AOAH: variants seen among roughly 807,000 people sequenced by gnomAD.
AOAH encodes the protein acyloxyacyl hydrolase (neutrophil).
A neutral mutation model predicts 92.2 loss-of-function variants in AOAH; 64 were observed. The observed-to-expected ratio is 0.69, with a 90% CI of 0.57 to 0.86. The LOEUF (loss-of-function observed/expected upper bound fraction) is 0.86. Among genes scored for constraint, AOAH ranks in the 40% least tolerant of loss-of-function variants. The pLI is 0.00. For missense variants in AOAH, 656 were observed against 694.6 expected (o/e 0.94, Z 0.62); for synonymous variants, 263 against 254.5 (o/e 1.03, Z -0.32).
At chr7:36,601,414 C>CTT (rs1790586239) in intron 11 of AOAH, among the ~76,000 whole-genome samples, 3 of 124,958 alleles carry the variant, frequency 2.4e-5, no homozygotes, top group Non-Finnish European at 3.8e-5. Context: ...AGGCACCAGA[C>CTT]TGTGCTGGGC....
chr7:36,542,395 A>AT (rs1429935745), intron 15 of AOAH, among the ~76,000 whole-genome samples: 16 of 152,204 alleles, frequency 1.1e-4, no homozygotes, highest in African/African-American at 3.6e-4. Flanking sequence ...GTACTTTGTT[A>AT]TGGCAGCTCC....
rs886492220 is a variant in AOAH at position 36,618,660 on chromosome 7, A to G, written c.703-315T>C. On this transcript the variant is annotated intron_variant, in intron 9 of 20. Coordinates refer to ENST00000617537, the MANE Select transcript of AOAH (RefSeq NM_001637.4). ...CATGGAGGGTCCACTGAGTGACTGG[A>G]CACAGGGTCTGGGCGGATTCTGCAG... 3.9e-5 allele frequency among the ~76,000 whole-genome samples: 6 copies of G among 152,162 alleles called. No homozygotes were observed. The South Asian group carries it at 6.2e-4, about 16-fold the overall frequency.
chr7:36,686,689 C>T lies in AOAH; in HGVS notation c.223+10G>A. 1 of 1,505,960 alleles carries T rather than the reference C, an allele frequency of 6.6e-7. No individual in the cohort carries two copies. Among genetic ancestry groups the T allele is most frequent in the East Asian group, 2.5e-5 (1 of 39,446 alleles). 93.3% of individuals were successfully genotyped at this position (1,505,960 alleles called of 1,614,324 possible). On this transcript the variant is annotated intron_variant, in intron 2 of 20. Transcript: ENST00000617537. The stretch of plus-strand genomic sequence containing the variant: ...CAGACCCTCAGCAGTATGACTCGTC[C>T]CATATTTACCAGGCAGGTAGCTGCA...
chr7:36,523,574 A>T (rs1055954021), intron 19 of AOAH, among the ~76,000 whole-genome samples: 23 of 147,424 alleles, frequency 1.6e-4, no homozygotes, highest in Admixed American at 6.8e-5. Context: ...GTAAAGGCAC[A>T]GTTTTGGGGA....
At position 36,523,632 on chromosome 7, in the gene AOAH, T is replaced by TTG. The variant is rs1198133807; in HGVS notation, c.1523-1518_1523-1517insCA. 2.2e-3 allele frequency among the ~76,000 whole-genome samples: 311 copies of TTG among 138,570 alleles called. 3 individuals are homozygous for TTG. Among genetic ancestry groups the TTG allele is most frequent in the Admixed American group, 4.3e-3 (59 of 13,810 alleles). 90.9% of individuals were successfully genotyped at this position (138,570 alleles called of 152,430 possible). A position where few individuals can be genotyped will look rare whatever the true frequency, so the allele number is the denominator to read the frequency against. On this transcript the variant is annotated intron_variant, in intron 19 of 20. Transcript: ENST00000617537. ...GTTTGCCTGGCCTGTTTTGCCTGTT[T>TTG]TTTTTTTTTTTTTTTTTGGCATGTC...
chr7:36,723,929 G>T, intron 1 of AOAH, 93 bp downstream of exon 1: 2 of 1,397,078 alleles, frequency 1.4e-6, no homozygotes, highest in Non-Finnish European at 1.9e-6. Context: ...TACAATTCTT[G>T]ATTTAATAAA....
At chr7:36,659,895 A>C (rs1795111747) in intron 3 of AOAH, among the ~76,000 whole-genome samples, 1 of 152,014 alleles carries the variant, frequency 6.6e-6, no homozygotes, top group South Asian at 2.1e-4. Flanking sequence ...GCAGCCAAAG[A>C]AAAACTACAA....
At chr7:36,681,380 T>A (rs563675659) in intron 2 of AOAH, among the ~76,000 whole-genome samples, 2 of 152,164 alleles carry the variant, frequency 1.3e-5, no homozygotes, top group African/African-American at 2.4e-5. Context: ...CCTTAACATG[T>A]ATAGATCTTA....
chr7:36,537,002 C>T (rs1209177677), intron 16 of AOAH, among the ~76,000 whole-genome samples: 2 of 151,502 alleles, frequency 1.3e-5, no homozygotes, highest in East Asian at 1.9e-4. Flanking sequence ...AATGCAGCCC[C>T]CTCTTGAAGT....
At chr7:36,613,884 A>G (rs1791663381) in intron 11 of AOAH, among the ~76,000 whole-genome samples, 1 of 152,150 alleles carries the variant, frequency 6.6e-6, no homozygotes, top group Non-Finnish European at 1.5e-5. Flanking sequence ...TGTATTCTTG[A>G]GCAGTTTTCA....
chr7:36,708,200 T>G (rs1251791500), intron 1 of AOAH, among the ~76,000 whole-genome samples: 3 of 152,160 alleles, frequency 2.0e-5, no homozygotes, highest in Non-Finnish European at 4.4e-5. Flanking sequence ...GATAGTATAC[T>G]ACATGTTTCT....
At chr7:36,604,784 T>A (rs1297358463) in intron 11 of AOAH, among the ~76,000 whole-genome samples, 1 of 152,174 alleles carries the variant, frequency 6.6e-6, no homozygotes, top group Non-Finnish European at 1.5e-5. Flanking sequence ...CCATCTTAAG[T>A]CACCAAATTT....
At chr7:36,550,058 T>C (rs544266989) in intron 13 of AOAH, 3 of 152,528 alleles carry the variant, frequency 2.0e-5, no homozygotes, top group African/African-American at 7.2e-5. Flanking sequence ...AACATATCTC[T>C]TATATGAAAA....
At chr7:36,715,633 A>C (rs1184401706) in intron 1 of AOAH, among the ~76,000 whole-genome samples, 1 of 148,528 alleles carries the variant, frequency 6.7e-6, no homozygotes, top group Non-Finnish European at 1.5e-5. Flanking sequence ...AGAGATATAG[A>C]CCAACGGAAC....
intron 3 of AOAH, among the ~76,000 whole-genome samples, chr7:36,664,694 T>C (rs1365787218): frequency 6.6e-6 from 1 of 152,126 alleles, no homozygotes; most frequent in Admixed American, 6.5e-5. Flanking sequence ...AATCTACATG[T>C]GTTAGGCTGT....
chr7:36,527,195 T>A (rs1233040196), intron 19 of AOAH, among the ~76,000 whole-genome samples: 1 of 152,200 alleles, frequency 6.6e-6, no homozygotes, highest in Non-Finnish European at 1.5e-5. Flanking sequence ...CTTTCAGTGC[T>A]GGACTGAGGC....
In AOAH at chr7:36,637,774, T is replaced by G. The variant is rs894004883; in HGVS notation, c.450+77A>C. ...CTTATATCCGGAGTAGTCCTTGCCTTTGGGATGTGAAAGCCGGGGCCAGTG... is the reference window on the plus strand; with the variant it reads ...CTTATATCCGGAGTAGTCCTTGCCTGTGGGATGTGAAAGCCGGGGCCAGTG... On this transcript the variant is annotated intron_variant, in intron 5 of 20. Transcript: ENST00000617537. 2.9e-6 allele frequency: 4 copies of G among 1,356,546 alleles called. No individual in the cohort carries two copies. The African/African-American group carries it at 4.3e-5, about 15-fold the overall frequency. The allele number at this position is 1,356,546 out of a possible 1,614,324, so 84.0% of individuals were successfully genotyped here. A position where few individuals can be genotyped will look rare whatever the true frequency, so the allele number is the denominator to read the frequency against.
At chr7:36,668,689 G>A (rs1426286084) in intron 3 of AOAH, among the ~76,000 whole-genome samples, 4 of 152,178 alleles carry the variant, frequency 2.6e-5, no homozygotes, top group Admixed American at 6.5e-5. Flanking sequence ...GTTTCACTAT[G>A]TTGGCCAAAG....
intron 2 of AOAH, among the ~76,000 whole-genome samples, chr7:36,676,157 G>A (rs996803852): frequency 3.9e-5 from 6 of 152,204 alleles, no homozygotes; most frequent in Non-Finnish European, 2.9e-5. Context: ...ATTCAGATTG[G>A]AAAGTAAAGA....
Sources: gnomAD v4.1 joint callset for allele counts (sites outside exome capture counted in the v4.1 genomes callset) on GRCh38, gnomAD v4.1.1 for gene constraint, MANE v1.5 for transcripts, NCBI Gene and HGNC (gene_info 2026-07-23, HGNC 2026-07-21) for gene names.